DCHS2: variants seen among roughly 807,000 people sequenced by gnomAD.
DCHS2 encodes dachsous cadherin-related 2.
DCHS2 carries 142 observed loss-of-function variants against 182.4 expected under a neutral mutation model. The ratio of observed to expected loss-of-function variants is 0.78; its 90% CI spans 0.68 to 0.89. The LOEUF (loss-of-function observed/expected upper bound fraction) is 0.89, where lower values mean the gene tolerates loss of function less well. Ranked by LOEUF, DCHS2 falls within the 40% of genes least tolerant of loss-of-function variation. DCHS2 has a pLI of 0.00. For synonymous variants in DCHS2, 1,740 were observed against 1,663.3 expected, an observed-to-expected ratio of 1.05 and a Z score of -1.12; for missense variants, 4,319 against 4,198.6, an observed-to-expected ratio of 1.03 and a Z score of -0.79.
chr4:154,384,475 T>C (rs886808621), intron 1 of DCHS2: 14 of 1,584,868 alleles, frequency 8.8e-6, no homozygotes, highest in Non-Finnish European at 1.2e-5. Context: ...TGACTGCTTG[T>C]AGGGGACTGA....
At chr4:154,288,248 T>A (rs1361829348) in intron 13 of DCHS2, among the ~76,000 whole-genome samples, 2 of 151,602 alleles carry the variant, frequency 1.3e-5, no homozygotes, top group Non-Finnish European at 2.9e-5. Flanking sequence ...TCCATGCAAA[T>A]GGAAACAAAA....
At chr4:154,328,022 G>C in intron 7 of DCHS2, 71 bp downstream of exon 7, 2 of 1,102,270 alleles carry the variant, frequency 1.8e-6, no homozygotes, top group Non-Finnish European at 2.5e-6. Context: ...TCTTTTCCCA[G>C]AAGGGGATAG....
chr4:154,370,411 G>GA (rs1480138549), intron 2 of DCHS2, among the ~76,000 whole-genome samples: 1 of 152,040 alleles, frequency 6.6e-6, no homozygotes, highest in Non-Finnish European at 1.5e-5. Flanking sequence ...GAAAGAAGAA[G>GA]AATAAAATGG....
chr4:154,321,334 G>T, intron 8 of DCHS2, 112 bp from the exon 9 acceptor site: 1 of 1,151,574 alleles, frequency 8.7e-7, no homozygotes, highest in Non-Finnish European at 1.1e-6. Context: ...GTGATCATAT[G>T]TTAATTAGTG....
intron 16 of DCHS2, among the ~76,000 whole-genome samples, chr4:154,254,343 G>A (rs1180394940): frequency 1.3e-5 from 2 of 152,150 alleles, no homozygotes; most frequent in Admixed American, 1.3e-4. Flanking sequence ...TACTCAAACA[G>A]GCATGCTGGA....
Position 154,336,336 on chromosome 4 carries a change from G to A in DCHS2, c.2477-1232C>T, listed in dbSNP as rs148921401. On this transcript the variant is annotated intron_variant, in intron 3 of 19. Coordinates refer to ENST00000357232, the MANE Select transcript of DCHS2 (RefSeq NM_001358235.2). ...TGTACTAGTTTAAAAACCTGAAAAC[G>A]GATCTAATGCAATCAACTTAAGAAA... is the stretch of plus-strand genomic sequence containing the variant. 3.9e-3 allele frequency among the ~76,000 whole-genome samples: 598 copies of A among 152,200 alleles called. 6 individuals carry two copies. Among genetic ancestry groups the A allele is most frequent in the African/African-American group, 0.014 (562 of 41,528 alleles).
In DCHS2 at chr4:154,329,595, G is replaced by A. The variant is rs1736432000; in HGVS notation, c.3846C>T (p.Val1282=). 6.2e-7 allele frequency: 1 copy of A among 1,613,474 alleles called. No homozygotes were observed. The highest frequency in any genetic ancestry group is 8.5e-7 in the Non-Finnish European group (1 of 1,179,906). ...PPRNATMAVY[V]SVTDINDNRP... is the part of the protein sequence containing the mutation. ...TGTTATCATTGATGTCAGTAACTGA[G>A]ACGTAAACCGCCATGGTGGCGTTTC... is the stretch of plus-strand genomic sequence containing the variant. The change falls in exon 6 of 20, where the codon GTC becomes GTT. Residue 1282 remains valine, a synonymous_variant. Transcript: ENST00000357232.
At position 154,304,796 on chromosome 4, in the gene DCHS2, T is replaced by G. The variant is rs1417004154; in HGVS notation, c.5478A>C (p.Ala1826=). The G allele has an allele frequency of 5.6e-6, 9 of 1,613,818 alleles. No individual in the cohort carries two copies. In the South Asian group the frequency reaches 9.9e-5, roughly 18 times the overall value. ...CATAACTGGAAACAATAAACTCTGGTGCGTGATCGTTTTCATCTTCAACAG... is the reference window on the plus strand; with the variant it reads ...CATAACTGGAAACAATAAACTCTGGGGCGTGATCGTTTTCATCTTCAACAG... ...LCTVEDENDH[A]PEFIVSSYDI... The change falls in exon 12 of 20, where the codon GCA becomes GCC. Residue 1826 remains alanine (A), a synonymous_variant. Coordinates refer to ENST00000357232, the MANE Select transcript of DCHS2 (RefSeq NM_001358235.2).
At chr4:154,464,020 T>A (rs748615870) in intron 1 of DCHS2, among the ~76,000 whole-genome samples, 13 of 152,156 alleles carry the variant, frequency 8.5e-5, no homozygotes, top group Non-Finnish European at 1.5e-4. Context: ...AGTCTATCCG[T>A]CCAAAGTACG....
At position 154,235,790 on chromosome 4, in the gene DCHS2, C is replaced by T. The variant is rs1560970202; in HGVS notation, c.8862G>A (p.Leu2954=). The stretch of plus-strand genomic sequence containing the variant: ...GACTATGAGCGATTATTTTCATTTC[C>T]AAGGTGTCTTCTTTGTTGAGTTGAC... The part of the protein sequence containing the change: ...IKSQLNKEDT[L]EMKIIAHSPK... Residue 2954 remains leucine (L), a synonymous_variant, in exon 20 of 20, where the codon TTG becomes TTA. Coordinates refer to ENST00000357232, the MANE Select transcript of DCHS2 (RefSeq NM_001358235.2). 1.2e-6 allele frequency: 2 copies of T among 1,613,900 alleles called. No homozygotes were observed. Among genetic ancestry groups the T allele is most frequent in the African/African-American group, 2.7e-5 (2 of 75,006 alleles).
chr4:154,235,878 A>G lies in DCHS2; in HGVS notation c.8774T>C (p.Phe2925Ser). ...TCCATTGGTTTTATTTACTGAAAAG[A>G]AAGGAGATGAGGTTCCAAGGGAGTA... Reference protein sequence around the residue: ...ILYSLGTSSPFFSVNKTNGNI... With the variant: ...ILYSLGTSSPSFSVNKTNGNI... The change falls in exon 20 of 20, where the codon TTC becomes TCC. Residue 2925 changes from phenylalanine to serine, a missense_variant. Coordinates refer to ENST00000357232, the MANE Select transcript of DCHS2 (RefSeq NM_001358235.2). 1 of 1,614,076 alleles carries G rather than the reference A, an allele frequency of 6.2e-7. No individual in the cohort carries two copies. Among genetic ancestry groups the G allele is most frequent in the Non-Finnish European group, 8.5e-7 (1 of 1,179,956 alleles).
In DCHS2 at chr4:154,490,300, G is replaced by A. The variant is rs1441575825; in HGVS notation, c.1056C>T (p.Asp352=). 2 of 1,546,556 alleles carry A rather than the reference G, an allele frequency of 1.3e-6. No individual in the cohort carries two copies. The highest frequency in any genetic ancestry group is 2.7e-5 in the African/African-American group (2 of 73,008). ...GCTCCTCCACCGCGAAGTAGGCCGC[G>A]TCGCCCAGTGCCCCGCCGCCGCTAC... The part of the protein sequence containing the change: ...GAGSGGGALG[D]AAYFAVEELS... Residue 352 remains aspartate, a synonymous_variant, in exon 1 of 20, where the codon GAC becomes GAT. Transcript: ENST00000357232.
At position 154,473,757 on chromosome 4, in the gene DCHS2, T is replaced by C. The variant is rs547373167; in HGVS notation, c.2052+15547A>G. Among the ~76,000 whole-genome samples, 7 of 152,258 alleles carry C rather than the reference T, an allele frequency of 4.6e-5. No individual in the cohort carries two copies. In the East Asian group the frequency reaches 1.4e-3, roughly 29 times the overall value. On this transcript the variant is annotated intron_variant, in intron 1 of 19. Transcript: ENST00000357232. ...AGCAGAGAGATACGGCCCCTCCCAC[T>C]GATCTTCTTGTAAGTTTCCCCAGAA...
chr4:154,378,986 C>T (rs1002315131), intron 1 of DCHS2, among the ~76,000 whole-genome samples: 5 of 152,114 alleles, frequency 3.3e-5, no homozygotes, highest in African/African-American at 1.2e-4. Context: ...AGTAGTGGTG[C>T]CTGTGCTCTT....
rs535254944 is a variant in DCHS2 at position 154,312,223 on chromosome 4, C to A, written c.5260+3525G>T. 5.9e-5 allele frequency among the ~76,000 whole-genome samples: 9 copies of A among 152,182 alleles called. No individual in the cohort carries two copies. The South Asian group carries it at 6.2e-4, about 10-fold the overall frequency. On this transcript the variant is annotated intron_variant, in intron 10 of 19. Coordinates refer to ENST00000357232, the MANE Select transcript of DCHS2 (RefSeq NM_001358235.2). ...GCCTTTAAATCCTTCTCTGGGACTT[C>A]AGTATAATCGAGGTTGCTGGAATGG...
chr4:154,392,730 G>A (rs1013275817), intron 1 of DCHS2, among the ~76,000 whole-genome samples: 1 of 152,158 alleles, frequency 6.6e-6, no homozygotes, highest in Admixed American at 6.6e-5. Context: ...CACTTTTACA[G>A]AACTGTATAT....
At chr4:154,268,235 C>G (rs925013821) in intron 14 of DCHS2, among the ~76,000 whole-genome samples, 3 of 129,908 alleles carry the variant, frequency 2.3e-5, no homozygotes, top group African/African-American at 8.9e-5. Flanking sequence ...CACTTTCCCC[C>G]CCCCAAAAAA....
chr4:154,346,461 G>T (rs940733354), intron 3 of DCHS2, among the ~76,000 whole-genome samples: 3 of 152,122 alleles, frequency 2.0e-5, no homozygotes, highest in Non-Finnish European at 4.4e-5. Flanking sequence ...TAACAACTTT[G>T]TCCCATGCAA....
chr4:154,355,183 A>C (rs1729802956), intron 3 of DCHS2, among the ~76,000 whole-genome samples: 1 of 152,164 alleles, frequency 6.6e-6, no homozygotes, highest in Non-Finnish European at 1.5e-5. Context: ...ACAAGATACC[A>C]GTCACAAAGA....
Sources: allele counts gnomAD v4.1 joint callset (sites outside exome capture counted in the v4.1 genomes callset), GRCh38; gene constraint gnomAD v4.1.1; transcripts MANE v1.5; gene names NCBI Gene and HGNC (gene_info 2026-07-23, HGNC 2026-07-21).